TTC28: variants seen among roughly 807,000 people sequenced by gnomAD.
TTC28 encodes the protein tetratricopeptide repeat domain 28, also known as tetratricopeptide repeat protein 28.
Under a neutral mutation model 198.0 loss-of-function variants are expected in TTC28, and 61 were observed. The observed-to-expected ratio is 0.31, with a 90% CI of 0.25 to 0.38. The LOEUF (loss-of-function observed/expected upper bound fraction) is 0.38, where lower values mean the gene tolerates loss of function less well. Among genes scored for constraint, TTC28 ranks in the 10% least tolerant of loss-of-function variants. The probability of loss-of-function intolerance (pLI) is 1.00; values close to 1 mark genes in which losing one functional copy is unlikely to be tolerated. For missense variants in TTC28, 2,678 were observed against 3,164.0 expected (o/e 0.85, Z 3.69); for synonymous variants, 1,171 against 1,297.8 (o/e 0.90, Z 2.10).
chr22:28,404,188 C>A (rs13055501), intron 2 of TTC28, among the ~76,000 whole-genome samples: 7,661 of 152,182 alleles, frequency 0.05, 272 homozygotes, highest in African/African-American at 0.096. Flanking sequence ...GGCACCATCT[C>A]GGCTCATTGC....
At chr22:28,057,257 A>G (rs1940326236) in intron 12 of TTC28, among the ~76,000 whole-genome samples, 2 of 152,322 alleles carry the variant, frequency 1.3e-5, no homozygotes, top group Admixed American at 6.5e-5. Flanking sequence ...CCAATAATAC[A>G]TAAGCATTTT....
intron 5 of TTC28, among the ~76,000 whole-genome samples, chr22:28,175,248 C>CA (rs1923053501): frequency 6.6e-6 from 1 of 151,964 alleles, no homozygotes; most frequent in African/African-American, 2.4e-5. Flanking sequence ...GCAACAAAAG[C>CA]AAAAACAGAT....
chr22:28,536,085 C>T (rs997003037), intron 2 of TTC28, among the ~76,000 whole-genome samples: 1 of 149,632 alleles, frequency 6.7e-6, no homozygotes, highest in Non-Finnish European at 1.5e-5. Flanking sequence ...GTAGTCCCAG[C>T]TACTAGGAGA....
At chr22:28,479,966 A>G (rs368212207) in intron 2 of TTC28, among the ~76,000 whole-genome samples, 2 of 152,242 alleles carry the variant, frequency 1.3e-5, no homozygotes, top group East Asian at 3.8e-4. Flanking sequence ...ATGAAAAATA[A>G]AACTATAAAG....
At chr22:28,151,318 G>C (rs907296358) in intron 6 of TTC28, among the ~76,000 whole-genome samples, 1 of 152,190 alleles carries the variant, frequency 6.6e-6, no homozygotes, top group African/African-American at 2.4e-5. Flanking sequence ...AAAAACATAA[G>C]CTAATTTACT....
intron 19 of TTC28, among the ~76,000 whole-genome samples, chr22:27,991,986 G>A (rs183600755): frequency 4.5e-4 from 68 of 152,346 alleles, no homozygotes; most frequent in South Asian, 1.0e-3. Flanking sequence ...TCAAAGAAGC[G>A]TGGGAACACC....
chr22:28,644,771 C>A (rs951567991), intron 1 of TTC28, among the ~76,000 whole-genome samples: 2 of 151,552 alleles, frequency 1.3e-5, no homozygotes, highest in African/African-American at 4.8e-5. Flanking sequence ...TGCAGTAAGC[C>A]GAGATCGCAC....
intron 5 of TTC28, among the ~76,000 whole-genome samples, chr22:28,271,657 T>A (rs895831744): frequency 1.3e-5 from 2 of 151,938 alleles, no homozygotes; most frequent in Non-Finnish European, 2.9e-5. Context: ...CAGGCTGGAG[T>A]GCAATGGCAT....
chr22:28,347,130 G>A (rs1025140492), intron 2 of TTC28, among the ~76,000 whole-genome samples: 4 of 151,922 alleles, frequency 2.6e-5, no homozygotes, highest in Admixed American at 2.6e-4. Flanking sequence ...TGGATGTGGT[G>A]GTGTGCACCT....
intron 6 of TTC28, among the ~76,000 whole-genome samples, chr22:28,130,460 T>C (rs1215886588): frequency 6.6e-6 from 1 of 152,242 alleles, no homozygotes; most frequent in Non-Finnish European, 1.5e-5. Context: ...AATAATTTTG[T>C]TTTAGCATAA....
intron 2 of TTC28, among the ~76,000 whole-genome samples, chr22:28,359,337 C>T (rs2046124407): frequency 6.6e-6 from 1 of 152,040 alleles, no homozygotes; most frequent in Admixed American, 6.6e-5. Flanking sequence ...TGTACCTCAC[C>T]CATTTACACA....
At chr22:28,470,679 A>G (rs2048085952) in intron 2 of TTC28, among the ~76,000 whole-genome samples, 1 of 152,216 alleles carries the variant, frequency 6.6e-6, no homozygotes. Flanking sequence ...TAATGTAAGA[A>G]AAACTTACAT....
intron 1 of TTC28, among the ~76,000 whole-genome samples, chr22:28,640,699 A>C (rs1459555259): frequency 6.6e-6 from 1 of 152,200 alleles, no homozygotes; most frequent in East Asian, 1.9e-4. Context: ...ATAGCACCTA[A>C]CATAAAATAC....
intron 5 of TTC28, among the ~76,000 whole-genome samples, chr22:28,191,539 G>C (rs1569188062): frequency 6.6e-6 from 1 of 152,220 alleles, no homozygotes; most frequent in Non-Finnish European, 1.5e-5. Flanking sequence ...CCCTTTCCTA[G>C]TCAAAGAAAG....
chr22:28,458,016 C>A (rs185104255), intron 2 of TTC28, among the ~76,000 whole-genome samples: 2 of 151,896 alleles, frequency 1.3e-5, no homozygotes, highest in East Asian at 3.9e-4. Context: ...AAATGTGTAT[C>A]TTTTTTCCAT....
At chr22:28,650,766 TAA>T (rs2051551643) in intron 1 of TTC28, among the ~76,000 whole-genome samples, 1 of 152,238 alleles carries the variant, frequency 6.6e-6, no homozygotes, top group South Asian at 2.1e-4. Context: ...TACATCAATA[TAA>T]GAGTCAAGGT....
At chr22:28,320,953 T>TG (rs1321724456) in intron 2 of TTC28, among the ~76,000 whole-genome samples, 1 of 152,232 alleles carries the variant, frequency 6.6e-6, no homozygotes, top group South Asian at 2.1e-4. Flanking sequence ...GTAAAACACA[T>TG]TGTGACATGA....
chr22:28,119,153 A>G (rs1942718097), intron 6 of TTC28, among the ~76,000 whole-genome samples: 1 of 152,204 alleles, frequency 6.6e-6, no homozygotes, highest in African/African-American at 2.4e-5. Context: ...GAAGATCCCT[A>G]TTCCCGGCTC....
chr22:28,581,668 C>T (rs960126613), intron 2 of TTC28, among the ~76,000 whole-genome samples: 2 of 152,142 alleles, frequency 1.3e-5, no homozygotes, highest in Admixed American at 6.5e-5. Flanking sequence ...TATTTCTTCC[C>T]TCTTTGGGAG....
Sources: allele counts gnomAD v4.1 joint callset (sites outside exome capture counted in the v4.1 genomes callset), GRCh38; gene constraint gnomAD v4.1.1; transcripts MANE v1.5; gene names NCBI Gene and HGNC (gene_info 2026-07-23, HGNC 2026-07-21).